Variants in DPY19L2 observed in about 807,000 individuals in gnomAD.
The protein encoded by DPY19L2 is probable C-mannosyltransferase DPY19L2.
Under a neutral mutation model 97.9 loss-of-function variants are expected in DPY19L2, and 34 were observed. The observed-to-expected ratio is 0.35, with a 90% CI of 0.26 to 0.46. The LOEUF is 0.46. Among genes scored for constraint, DPY19L2 ranks in the 20% least tolerant of loss-of-function variants. DPY19L2 has a pLI of 1.00. For missense variants in DPY19L2, 623 were observed against 911.4 expected, an observed-to-expected ratio of 0.68 and a Z score of 4.07; for synonymous variants, 230 against 307.9, an observed-to-expected ratio of 0.75 and a Z score of 2.65.
intron 16 of DPY19L2, among the ~76,000 whole-genome samples, chr12:63,586,740 C>T (rs1334786368): frequency 6.6e-6 from 1 of 152,122 alleles, no homozygotes; most frequent in Non-Finnish European, 1.5e-5. Context: ...TAACTGTTAG[C>T]TACTATCGTT....
chr12:63,634,558 C>T (rs1891315908), intron 6 of DPY19L2, among the ~76,000 whole-genome samples: 1 of 152,186 alleles, frequency 6.6e-6, no homozygotes, highest in Non-Finnish European at 1.5e-5. Context: ...TAGACAGTAC[C>T]TGGAAAATCC....
At chr12:63,598,198 G>C (rs1884573303) in intron 13 of DPY19L2, among the ~76,000 whole-genome samples, 1 of 152,000 alleles carries the variant, frequency 6.6e-6, no homozygotes, top group Non-Finnish European at 1.5e-5. Context: ...AATATCTGCT[G>C]AGAATAAACC....
In DPY19L2 at chr12:63,569,362, A is replaced by G. The variant is rs1214861012; in HGVS notation, c.2001-13T>C. 8 of 1,544,400 alleles carry G rather than the reference A, an allele frequency of 5.2e-6. No homozygotes were observed. Among genetic ancestry groups the G allele is most frequent in the Non-Finnish European group, 7.0e-6 (8 of 1,145,438 alleles). ...TTTTGTCCGAGCCCTTTAAATTTAA[A>G]CAATAATTTAAAAGATTTTAAAATA... On this transcript the variant is annotated splice_polypyrimidine_tract_variant and intron_variant, in intron 20 of 21. Transcript: ENST00000324472.
chr12:63,619,020 T>C (rs3857813), intron 9 of DPY19L2, among the ~76,000 whole-genome samples: 45,127 of 151,924 alleles, frequency 0.3, 7,672 homozygotes, highest in African/African-American at 0.48. Flanking sequence ...TATATAAAAA[T>C]TATTCTTAGC....
chr12:63,602,912 G>A (rs1278511291), intron 12 of DPY19L2, among the ~76,000 whole-genome samples: 1 of 152,036 alleles, frequency 6.6e-6, no homozygotes, highest in Non-Finnish European at 1.5e-5. Context: ...ATCATATACA[G>A]AAACAAAGCA....
rs1319658680 is a variant in DPY19L2, at chr12:63,593,117, G to A, written c.1580+970C>T. 4.3e-3 allele frequency among the ~76,000 whole-genome samples: 652 copies of A among 151,950 alleles called. 5 individuals carry two copies. The highest frequency in any genetic ancestry group is 0.014 in the African/African-American group (583 of 41,400). ...ACCATCTCACACCAGTTAGAATGGC[G>A]ATCATTAAAAAGTCAGGAAACAACA... On this transcript the variant is annotated intron_variant, in intron 16 of 21. Transcript: ENST00000324472.
At chr12:63,638,823 T>C (rs981795596) in intron 6 of DPY19L2, among the ~76,000 whole-genome samples, 3 of 152,110 alleles carry the variant, frequency 2.0e-5, no homozygotes, top group Admixed American at 1.3e-4. Flanking sequence ...AAGCTACCAA[T>C]GACTTTCTTC....
intron 12 of DPY19L2, among the ~76,000 whole-genome samples, chr12:63,600,735 C>A (rs1282769426): frequency 6.7e-6 from 1 of 149,522 alleles, no homozygotes; most frequent in Non-Finnish European, 1.5e-5. Context: ...AAGAAAAAAA[C>A]CCGTGTGCAT....
intron 6 of DPY19L2, among the ~76,000 whole-genome samples, chr12:63,641,129 C>G (rs1429173420): frequency 1.3e-5 from 2 of 152,204 alleles, no homozygotes; most frequent in South Asian, 4.1e-4. Context: ...TGGTCTCGAT[C>G]TCCTGACCTC....
intron 6 of DPY19L2, among the ~76,000 whole-genome samples, chr12:63,634,492 AC>A (rs1224173930): frequency 6.6e-6 from 1 of 152,086 alleles, no homozygotes; most frequent in African/African-American, 2.4e-5. Flanking sequence ...GCATCACCTC[AC>A]CCGGGAAGCA....
At chr12:63,651,152 A>T (rs1894167688) in intron 4 of DPY19L2, among the ~76,000 whole-genome samples, 1 of 152,128 alleles carries the variant, frequency 6.6e-6, no homozygotes, top group South Asian at 2.1e-4. Flanking sequence ...AGTCAATAGG[A>T]AAAAGGACTT....
At chr12:63,623,850 G>A in intron 8 of DPY19L2, 190 bp downstream of exon 8, 2 of 431,158 alleles carry the variant, frequency 4.6e-6, no homozygotes, top group Non-Finnish European at 8.9e-6. Context: ...GATGACAGAT[G>A]CACACCACCA....
At chr12:63,589,435 C>T (rs1882497483) in intron 16 of DPY19L2, among the ~76,000 whole-genome samples, 1 of 75,152 alleles carries the variant, frequency 1.3e-5, no homozygotes, top group Non-Finnish European at 2.8e-5. Context: ...ATATAAGAGA[C>T]AATCTAAAAC....
In DPY19L2 at chr12:63,582,513, T is replaced by A; in HGVS notation, c.1618A>T (p.Thr540Ser). The change falls in exon 18 of 22, where the codon ACA becomes TCA. Residue 540 changes from threonine (T) to serine (S), a missense_variant. This residue lies in a region of DPY19L2 where 294 missense variants were observed against 446.2 expected (regional missense o/e 0.66). Coordinates refer to ENST00000324472, the MANE Select transcript of DPY19L2 (RefSeq NM_173812.5). ...GCAGTAAACACTAACAACTGCAATGTGTGAAAAGCCAGCTATAAAACACAA... is the reference window on the plus strand; with the variant it reads ...GCAGTAAACACTAACAACTGCAATGAGTGAAAAGCCAGCTATAAAACACAA... ...LLEHSELAFH[T>S]LQLLVFTALA... The A allele has an allele frequency of 6.2e-7, 1 of 1,608,660 alleles. No homozygotes were observed. Among genetic ancestry groups the A allele is most frequent in the Non-Finnish European group, 8.5e-7 (1 of 1,178,276 alleles).
In DPY19L2 at chr12:63,634,379, A is replaced by G. The variant is rs193090535; in HGVS notation, c.804-7853T>C. 7.7e-4 allele frequency among the ~76,000 whole-genome samples: 117 copies of G among 152,230 alleles called. 1 individual carries two copies. The East Asian group carries it at 0.015, about 20-fold the overall frequency. On this transcript the variant is annotated intron_variant, in intron 6 of 21. Transcript: ENST00000324472. The stretch of plus-strand genomic sequence containing the variant: ...GCTCCAGTCTACAGCTCCCAGCACG[A>G]GCGACACAGAAGACGGGTGATTTCT...
chr12:63,656,767 T>A (rs914781579), intron 4 of DPY19L2, among the ~76,000 whole-genome samples: 8 of 152,184 alleles, frequency 5.3e-5, no homozygotes, highest in African/African-American at 1.9e-4. Flanking sequence ...GCATTCCTAC[T>A]GACCTATCTT....
chr12:63,655,921 G>T (rs144097739), intron 4 of DPY19L2, among the ~76,000 whole-genome samples: 1 of 152,294 alleles, frequency 6.6e-6, no homozygotes, highest in East Asian at 1.9e-4. Context: ...TTTACCGACT[G>T]ACTGGTGAAC....
At chr12:63,620,285 C>T (rs145155718) in intron 9 of DPY19L2, 2,636 of 199,708 alleles carry the variant, frequency 0.013, 34 homozygotes, top group Non-Finnish European at 0.019. Context: ...GATTAAAGCT[C>T]ACAGAAATGG....
intron 6 of DPY19L2, among the ~76,000 whole-genome samples, chr12:63,642,186 C>T (rs943267485): frequency 5.3e-5 from 8 of 152,098 alleles, no homozygotes; most frequent in Non-Finnish European, 1.2e-4. Flanking sequence ...TAGAACAGTG[C>T]TCCTGGTCAC....
Sources: allele counts gnomAD v4.1 joint callset (sites outside exome capture counted in the v4.1 genomes callset), GRCh38; gene constraint gnomAD v4.1.1; regional missense constraint gnomAD v4.1.1; transcripts MANE v1.5; gene names NCBI Gene and HGNC (gene_info 2026-07-23, HGNC 2026-07-21).